The following PKHD1 variants were observed in gnomAD, a reference collection of about 807,000 sequenced individuals.
PKHD1 encodes fibrocystin.
A neutral mutation model predicts 412.0 loss-of-function variants in PKHD1; 291 were observed. The ratio of observed to expected loss-of-function variants is 0.71; its 90% confidence interval spans 0.64 to 0.78. The LOEUF (loss-of-function observed/expected upper bound fraction) is 0.78, where lower values mean the gene tolerates loss of function less well. Ranked by LOEUF, PKHD1 falls within the 30% of genes least tolerant of loss-of-function variation. PKHD1 has a pLI of 0.00. For missense variants in PKHD1, 4,825 were observed against 4,950.7 expected (o/e 0.97, Z 0.76); for synonymous variants, 1,777 against 1,821.5 (o/e 0.98, Z 0.62).
chr6:51,723,489 T>TAAGAC (rs1186772582), intron 60 of PKHD1, among the ~76,000 whole-genome samples: 7 of 152,152 alleles, frequency 4.6e-5, no homozygotes, highest in Non-Finnish European at 8.8e-5. Context: ...GTATATACCA[T>TAAGAC]AAGACTATTG....
At chr6:51,936,581 T>C (rs1787518363) in intron 36 of PKHD1, among the ~76,000 whole-genome samples, 1 of 152,198 alleles carries the variant, frequency 6.6e-6, no homozygotes, top group South Asian at 2.1e-4. Context: ...GTCATTATCA[T>C]GTAAACCAAA....
chr6:51,971,552 T>C (rs1405446861), intron 35 of PKHD1, among the ~76,000 whole-genome samples: 1 of 152,168 alleles, frequency 6.6e-6, no homozygotes, highest in Non-Finnish European at 1.5e-5. Context: ...CTACCAAAGA[T>C]ATACAGTAAA....
chr6:51,895,563 T>C (rs1779777755), intron 43 of PKHD1, among the ~76,000 whole-genome samples: 1 of 152,188 alleles, frequency 6.6e-6, no homozygotes, highest in African/African-American at 2.4e-5. Flanking sequence ...ATTCGTTATA[T>C]TAAATACATT....
intron 35 of PKHD1, among the ~76,000 whole-genome samples, chr6:51,977,448 T>A (rs1225791863): frequency 6.6e-6 from 1 of 152,240 alleles, no homozygotes; most frequent in African/African-American, 2.4e-5. Flanking sequence ...ATTAGCTTCA[T>A]CGAGAACAGC....
intron 60 of PKHD1, among the ~76,000 whole-genome samples, chr6:51,740,357 T>C (rs1479068480): frequency 6.6e-6 from 1 of 152,196 alleles, no homozygotes; most frequent in South Asian, 2.1e-4. Flanking sequence ...GGGTGAGTAG[T>C]TTTTGTACGA....
intron 60 of PKHD1, among the ~76,000 whole-genome samples, chr6:51,661,713 C>A (rs1772900239): frequency 6.6e-6 from 1 of 151,938 alleles, no homozygotes; most frequent in African/African-American, 2.4e-5. Context: ...GTTTTGAATC[C>A]ATAGGGATAT....
In PKHD1 at chr6:52,017,516, C is replaced by T. The variant is rs1392695940; in HGVS notation, c.5494G>A (p.Glu1832Lys). Residue 1832 changes from glutamate to lysine, a missense_variant, in exon 34 of 67, where the codon GAA becomes AAA. Coordinates refer to ENST00000371117, the MANE Select transcript of PKHD1 (RefSeq NM_138694.4). ...CAAATGTAGAGGTAAGGCCACGATT[C>T]AAGCAGTTGCTCTGTCGCCATGGCA... is the stretch of plus-strand genomic sequence containing the variant. ...TVAMATEQLL[E>K]SWPYLYICEE... is the part of the protein sequence containing the mutation. 1.9e-6 allele frequency: 3 copies of T among 1,614,026 alleles called. No individual in the cohort carries two copies. The highest frequency in any genetic ancestry group is 2.5e-6 in the Non-Finnish European group (3 of 1,179,848).
At chr6:51,760,905 T>C (rs1787890098) in intron 55 of PKHD1, among the ~76,000 whole-genome samples, 1 of 152,048 alleles carries the variant, frequency 6.6e-6, no homozygotes, top group Admixed American at 6.6e-5. Context: ...CTCATACCTG[T>C]CAAAATTACC....
At chr6:51,933,102 C>A (rs1032238151) in intron 37 of PKHD1, among the ~76,000 whole-genome samples, 2 of 152,112 alleles carry the variant, frequency 1.3e-5, no homozygotes, top group Admixed American at 6.5e-5. Flanking sequence ...TTGGCTCATG[C>A]TATGCAACCA....
Position 52,074,913 on chromosome 6 carries a change from G to A in PKHD1, c.448+1363C>T, listed in dbSNP as rs73435736. 9.2e-3 allele frequency among the ~76,000 whole-genome samples: 1,400 copies of A among 152,286 alleles called. 27 individuals carry two copies. The highest frequency in any genetic ancestry group is 0.032 in the African/African-American group (1,336 of 41,548). On this transcript the variant is annotated intron_variant, in intron 6 of 66. Transcript: ENST00000371117. ...AATCCTTTCCCCAGAAGGTGGAAGA[G>A]ACACCGAGCAGAACTCCAACTTGGT...
At chr6:51,951,364 G>A (rs934228416) in intron 36 of PKHD1, among the ~76,000 whole-genome samples, 1 of 151,950 alleles carries the variant, frequency 6.6e-6, no homozygotes, top group East Asian at 1.9e-4. Flanking sequence ...CCCGAGGTCT[G>A]TACCAAGCAT....
chr6:51,707,561 C>T (rs1284356158), intron 60 of PKHD1, among the ~76,000 whole-genome samples: 6 of 152,258 alleles, frequency 3.9e-5, no homozygotes, highest in South Asian at 4.2e-4. Flanking sequence ...ATCCTTTCCC[C>T]AACTCCAGCT....
At chr6:51,893,429 T>G (rs2127578484) in intron 43 of PKHD1, among the ~76,000 whole-genome samples, 1 of 152,342 alleles carries the variant, frequency 6.6e-6, no homozygotes, top group Admixed American at 6.5e-5. Flanking sequence ...GGCAGGAGAC[T>G]GCAACTTTGG....
Position 51,755,750 on chromosome 6 carries a change from C to T in PKHD1, c.8643-812G>A, listed in dbSNP as rs545847098. Among the ~76,000 whole-genome samples the T allele has an allele frequency of 5.9e-5, 9 of 152,282 alleles. No homozygotes were observed. The South Asian group carries it at 1.9e-3, about 32-fold the overall frequency. ...AGCAAGCTTTGATAAAGAGTCTCCT[C>T]TATAGTGAATGTTCATTCAGACAAC... On this transcript the variant is annotated intron_variant, in intron 55 of 66. Coordinates refer to ENST00000371117, the MANE Select transcript of PKHD1 (RefSeq NM_138694.4).
At chr6:51,982,871 AAAAT>A (rs1267694462) in intron 35 of PKHD1, among the ~76,000 whole-genome samples, 70 of 107,350 alleles carry the variant, frequency 6.5e-4, no homozygotes, top group Middle Eastern at 4.5e-3. Context: ...AAAATAAAAT[AAAAT>A]AAAATAAAAT....
intron 60 of PKHD1, chr6:51,721,753 G>A (rs1378855944): frequency 4.4e-5 from 62 of 1,402,646 alleles, no homozygotes; most frequent in Non-Finnish European, 5.7e-5. Context: ...CCCAAAGTCA[G>A]GAGTAAGCAA....
At position 51,866,502 on chromosome 6, in the gene PKHD1, C is replaced by G. The variant is rs148828003; in HGVS notation, c.7733+1361G>C. On this transcript the variant is annotated intron_variant, in intron 48 of 66. Transcript: ENST00000371117. ...ATCCTGTCCCAAAGATCTCAAAGAG[C>G]AAATGCTCAAACAAGTTTCAGGCAC... 2.9e-3 allele frequency among the ~76,000 whole-genome samples: 444 copies of G among 152,196 alleles called. 5 individuals are homozygous for G. The highest frequency in any genetic ancestry group is 9.7e-3 in the African/African-American group (401 of 41,536).
chr6:52,082,579 T>C (rs1381529173), intron 3 of PKHD1, 37 bp from the exon 4 acceptor site: 1 of 1,608,426 alleles, frequency 6.2e-7, no homozygotes, highest in Non-Finnish European at 8.5e-7. Context: ...CTGCATAGAA[T>C]TGTCATTGAC....
intron 60 of PKHD1, among the ~76,000 whole-genome samples, chr6:51,700,553 A>AC (rs1281864200): frequency 2.0e-5 from 3 of 151,598 alleles, no homozygotes; most frequent in African/African-American, 7.3e-5. Context: ...AGACAATAGC[A>AC]CCCCCCAAGG....
Sources: gnomAD v4.1 joint callset for allele counts (sites outside exome capture counted in the v4.1 genomes callset) on GRCh38, gnomAD v4.1.1 for gene constraint, MANE v1.5 for transcripts, NCBI Gene and HGNC (gene_info 2026-07-23, HGNC 2026-07-21) for gene names.